The following CABLES1 variants were observed in gnomAD, a reference collection of about 807,000 sequenced individuals.
The protein encoded by CABLES1 is CDK5 and ABL1 enzyme substrate 1.
A neutral mutation model predicts 57.8 loss-of-function variants in CABLES1; 36 were observed. The ratio of observed to expected loss-of-function variants is 0.62; its 90% CI spans 0.48 to 0.82. CABLES1 has a LOEUF of 0.82. Ranked by LOEUF, CABLES1 falls within the 40% of genes least tolerant of loss-of-function variation. CABLES1 has a pLI of 0.00. For synonymous variants in CABLES1, 374 were observed against 363.0 expected (o/e 1.03, Z -0.35); for missense variants, 767 against 836.6 (o/e 0.92, Z 1.03).
intron 3 of CABLES1, among the ~76,000 whole-genome samples, chr18:23,196,495 C>T (rs374033061): frequency 1.3e-5 from 2 of 152,164 alleles, no homozygotes; most frequent in African/African-American, 4.8e-5. Context: ...AATACGATTT[C>T]TGAGGTGACA....
chr18:23,201,768 G>T (rs2047326885), intron 3 of CABLES1, among the ~76,000 whole-genome samples: 1 of 152,212 alleles, frequency 6.6e-6, no homozygotes, highest in Admixed American at 6.5e-5. Context: ...CCAATAGGGA[G>T]GGAAATGATA....
chr18:23,179,375 C>T (rs773381561), intron 1 of CABLES1, among the ~76,000 whole-genome samples: 44 of 152,242 alleles, frequency 2.9e-4, no homozygotes, highest in Non-Finnish European at 6.2e-4. Context: ...TGTCTTCCTT[C>T]CTTTACAAGA....
chr18:23,149,394 A>T (rs1481117747), intron 1 of CABLES1, among the ~76,000 whole-genome samples: 1 of 151,144 alleles, frequency 6.6e-6, no homozygotes, highest in Non-Finnish European at 1.5e-5. Context: ...CCACCTTCCC[A>T]CCTCAGCCTC....
chr18:23,200,104 A>G (rs2047312904), intron 3 of CABLES1, among the ~76,000 whole-genome samples: 1 of 152,216 alleles, frequency 6.6e-6, no homozygotes, highest in Non-Finnish European at 1.5e-5. Flanking sequence ...GAGGCCTTTT[A>G]AGTGAATTGT....
intron 3 of CABLES1, among the ~76,000 whole-genome samples, chr18:23,194,778 AAACT>A (rs1348399723): frequency 6.6e-6 from 1 of 152,268 alleles, no homozygotes; most frequent in African/African-American, 2.4e-5. Context: ...GAACAGAAAC[AAACT>A]GAGTTTTTGA....
intron 1 of CABLES1, among the ~76,000 whole-genome samples, chr18:23,164,293 T>C (rs1272200631): frequency 6.6e-6 from 1 of 152,198 alleles, no homozygotes; most frequent in Non-Finnish European, 1.5e-5. Context: ...CCGGAGCCAG[T>C]GTGTTAATCT....
intron 4 of CABLES1, among the ~76,000 whole-genome samples, chr18:23,218,329 C>G (rs531225743): frequency 2.5e-5 from 3 of 119,110 alleles, no homozygotes; most frequent in African/African-American, 1.0e-4. Context: ...CCCTGCCTCC[C>G]GCATCCTCAC....
At chr18:23,159,258 C>A (rs1008654147) in intron 1 of CABLES1, among the ~76,000 whole-genome samples, 1 of 152,248 alleles carries the variant, frequency 6.6e-6, no homozygotes, top group African/African-American at 2.4e-5. Context: ...AGCCACTGCA[C>A]CCGGCCTGGT....
rs1390264233 is a variant in CABLES1 at position 23,253,937 on chromosome 18, G to C, written c.1761+1G>C. Reference sequence around the variant, plus strand: ...ACACGAAGTCAAGCATTTAATTGACGTAAGTAGCCTTTTTCCTGGTGGCTG... The same window carrying C: ...ACACGAAGTCAAGCATTTAATTGACCTAAGTAGCCTTTTTCCTGGTGGCTG... On this transcript the variant is annotated splice_donor_variant, in intron 9 of 9. Coordinates refer to ENST00000256925, the MANE Select transcript of CABLES1 (RefSeq NM_001100619.3). LOFTEE classifies it high-confidence loss of function. The C allele has an allele frequency of 6.2e-7, 1 of 1,613,578 alleles. No homozygotes were observed. Among genetic ancestry groups the C allele is most frequent in the African/African-American group, 1.3e-5 (1 of 74,928 alleles).
At chr18:23,140,245 A>C (rs1320863996) in intron 1 of CABLES1, among the ~76,000 whole-genome samples, 1 of 152,162 alleles carries the variant, frequency 6.6e-6, no homozygotes, top group Non-Finnish European at 1.5e-5. Flanking sequence ...GCCTACATTA[A>C]GGCTTCCATT....
At chr18:23,184,308 C>T (rs949134987) in intron 1 of CABLES1, among the ~76,000 whole-genome samples, 10 of 146,326 alleles carry the variant, frequency 6.8e-5, no homozygotes, top group South Asian at 2.2e-4. Flanking sequence ...CATACTGGCA[C>T]GTGTGTGTGT....
At chr18:23,179,172 G>A (rs919994060) in intron 1 of CABLES1, among the ~76,000 whole-genome samples, 121 of 152,030 alleles carry the variant, frequency 8.0e-4, no homozygotes, top group African/African-American at 2.8e-3. Flanking sequence ...TGTAATCCCA[G>A]CTACTCAGGG....
chr18:23,162,379 A>G (rs78953263), intron 1 of CABLES1, among the ~76,000 whole-genome samples: 8,951 of 152,264 alleles, frequency 0.059, 682 homozygotes, highest in African/African-American at 0.18. Flanking sequence ...ATGTCCTGAT[A>G]TCCTTTTATA....
Position 23,213,966 on chromosome 18 carries a change from T to G in CABLES1, c.1011-11T>G, listed in dbSNP as rs755814107. ...GTGTGTTTGTTGTTTGTTCTTCTTT[T>G]TATTTTTTAGAATAGTCCTTATCAG... On this transcript the variant is annotated splice_polypyrimidine_tract_variant and intron_variant, in intron 3 of 9. Coordinates refer to ENST00000256925, the MANE Select transcript of CABLES1 (RefSeq NM_001100619.3). The G allele has an allele frequency of 1.9e-6, 3 of 1,564,474 alleles. No homozygotes were observed. Among genetic ancestry groups the G allele is most frequent in the Non-Finnish European group, 2.6e-6 (3 of 1,147,516 alleles).
intron 1 of CABLES1, among the ~76,000 whole-genome samples, chr18:23,177,500 T>G (rs1444270150): frequency 6.6e-6 from 1 of 152,118 alleles, no homozygotes; most frequent in Non-Finnish European, 1.5e-5. Context: ...GGTCTATGTG[T>G]GGTCAGCTTG....
At position 23,179,791 on chromosome 18, in the gene CABLES1, T is replaced by C. The variant is rs776147587; in HGVS notation, c.846-9047T>C. 5.9e-4 allele frequency among the ~76,000 whole-genome samples: 90 copies of C among 152,284 alleles called. 1 individual carries two copies. Among genetic ancestry groups the C allele is most frequent in the Non-Finnish European group, 1.0e-3 (69 of 68,052 alleles). Reference sequence around the variant, plus strand: ...GTGTCTAATGGATGTGTCCTCAGGCTGAAGGGAAGGCCGTTTTGCTTTAAG... The same window carrying C: ...GTGTCTAATGGATGTGTCCTCAGGCCGAAGGGAAGGCCGTTTTGCTTTAAG... On this transcript the variant is annotated intron_variant, in intron 1 of 9. Coordinates refer to ENST00000256925, the MANE Select transcript of CABLES1 (RefSeq NM_001100619.3).
intron 4 of CABLES1, among the ~76,000 whole-genome samples, chr18:23,227,930 C>T (rs2047539883): frequency 6.6e-6 from 1 of 152,146 alleles, no homozygotes; most frequent in African/African-American, 2.4e-5. Flanking sequence ...GAGCTAGCGC[C>T]TAGTGGAGCT....
At position 23,212,669 on chromosome 18, in the gene CABLES1, G is replaced by A. The variant is rs1007004345; in HGVS notation, c.1011-1308G>A. The stretch of plus-strand genomic sequence containing the variant: ...GCCACCACGCACTAAACCCCTGCCC[G>A]GACTCACCCTCTAGTAAAGGAGGGA... On this transcript the variant is annotated intron_variant, in intron 3 of 9. Coordinates refer to ENST00000256925, the MANE Select transcript of CABLES1 (RefSeq NM_001100619.3). 7.2e-5 allele frequency among the ~76,000 whole-genome samples: 11 copies of A among 152,074 alleles called. No homozygotes were observed. The South Asian group carries it at 8.3e-4, about 11-fold the overall frequency.
chr18:23,233,712 C>CTGAA (rs1362815575), intron 4 of CABLES1, among the ~76,000 whole-genome samples: 4 of 152,174 alleles, frequency 2.6e-5, no homozygotes, highest in East Asian at 1.9e-4. Flanking sequence ...GGCTTCATCC[C>CTGAA]TGAATGAATG....
Sources: gnomAD v4.1 joint callset for allele counts (sites outside exome capture counted in the v4.1 genomes callset) on GRCh38, gnomAD v4.1.1 for gene constraint, MANE v1.5 for transcripts, NCBI Gene and HGNC (gene_info 2026-07-23, HGNC 2026-07-21) for gene names.